Variants in VAV3 observed in about 807,000 individuals in gnomAD.
The protein encoded by VAV3 is guanine nucleotide exchange factor VAV3.
VAV3 carries 94 observed loss-of-function variants against 131.2 expected under a neutral mutation model. The ratio of observed to expected loss-of-function variants is 0.72; its 90% CI spans 0.61 to 0.85. The LOEUF (loss-of-function observed/expected upper bound fraction) is 0.85, where lower values mean the gene tolerates loss of function less well. VAV3 is among the 40% of genes least tolerant of loss of function. VAV3 has a pLI of 0.00. For synonymous variants in VAV3, 349 were observed against 342.0 expected, an observed-to-expected ratio of 1.02 and a Z score of -0.22; for missense variants, 939 against 1,002.7, an observed-to-expected ratio of 0.94 and a Z score of 0.86.
intron 1 of VAV3, among the ~76,000 whole-genome samples, chr1:107,952,942 A>C (rs936166946): frequency 6.6e-6 from 1 of 152,238 alleles, no homozygotes; most frequent in Admixed American, 6.5e-5. Flanking sequence ...CAGACTAAAA[A>C]ATAACAGAAA....
chr1:107,959,808 G>A (rs1273302259), intron 1 of VAV3, among the ~76,000 whole-genome samples: 7 of 152,030 alleles, frequency 4.6e-5, no homozygotes, highest in Non-Finnish European at 1.0e-4. Context: ...ATGTCTACTA[G>A]GCACTTCAAT....
rs568663490 is a variant in VAV3 at position 107,914,326 on chromosome 1, C to T, written c.205-39309G>A. Reference sequence around the variant, plus strand: ...TCTCGCAACAGTGACGTGCAATAAACATTACTGGGCCCTGCCTTCTGGAGC... The same window carrying T: ...TCTCGCAACAGTGACGTGCAATAAATATTACTGGGCCCTGCCTTCTGGAGC... On this transcript the variant is annotated intron_variant, in intron 1 of 26. Transcript: ENST00000370056. Among the ~76,000 whole-genome samples the T allele has an allele frequency of 5.5e-4, 83 of 152,172 alleles. 1 individual carries two copies. Among genetic ancestry groups the T allele is most frequent in the Non-Finnish European group, 1.1e-3 (72 of 68,032 alleles).
At chr1:107,583,894 T>C (rs1212346023) in intron 25 of VAV3, among the ~76,000 whole-genome samples, 37 of 152,138 alleles carry the variant, frequency 2.4e-4, no homozygotes, top group Admixed American at 2.4e-3. Context: ...TTCACAGAAT[T>C]GGAAAAAACT....
At chr1:107,618,171 C>T (rs965255813) in intron 20 of VAV3, among the ~76,000 whole-genome samples, 3 of 152,168 alleles carry the variant, frequency 2.0e-5, no homozygotes, top group African/African-American at 4.8e-5. Flanking sequence ...GGCAGCTCAC[C>T]TCCTGCTGTG....
chr1:107,916,791 T>TGAA lies in VAV3; in HGVS notation c.205-41775_205-41774insTTC, dbSNP rs781218231. Among the ~76,000 whole-genome samples the TGAA allele has an allele frequency of 1.3e-3, 192 of 152,230 alleles. 1 individual carries two copies. The highest frequency in any genetic ancestry group is 3.4e-3 in the Middle Eastern group (1 of 294). ...ACAAGGCAGTGAGTGAATGAATGAA[T>TGAA]TAATACGATTCATGGATTAAGTAGG... On this transcript the variant is annotated intron_variant, in intron 1 of 26. Transcript: ENST00000370056.
At chr1:107,694,752 TTGTC>T (rs1211056688) in intron 17 of VAV3, among the ~76,000 whole-genome samples, 2 of 152,204 alleles carry the variant, frequency 1.3e-5, no homozygotes, top group African/African-American at 4.8e-5. Flanking sequence ...TGGTACTCAT[TTGTC>T]TGTCCATTTG....
chr1:107,938,689 C>T (rs576335361), intron 1 of VAV3, among the ~76,000 whole-genome samples: 4 of 152,288 alleles, frequency 2.6e-5, no homozygotes, highest in African/African-American at 9.6e-5. Flanking sequence ...CCATGAAGTA[C>T]TCAAATATTC....
chr1:107,602,398 A>G lies in VAV3; in HGVS notation c.2219T>C (p.Met740Thr). ...IAENRKFKSLMELVEYYKHHS... is the reference protein window; with the variant it reads ...IAENRKFKSLTELVEYYKHHS... Reference sequence around the variant, plus strand: ...TGAAAAGAAATAATCAATGCTTACCATTAAACTTTTAAATTTTCTATTTTC... The same window carrying G: ...TGAAAAGAAATAATCAATGCTTACCGTTAAACTTTTAAATTTTCTATTTTC... The change falls in exon 24 of 27, where the codon ATG becomes ACG. Residue 740 changes from methionine (M) to threonine (T), a missense_variant and splice_region_variant. Coordinates refer to ENST00000370056, the MANE Select transcript of VAV3 (RefSeq NM_006113.5). 1 of 1,553,000 alleles carries G rather than the reference A, an allele frequency of 6.4e-7. No homozygotes were observed. The highest frequency in any genetic ancestry group is 1.4e-5 in the African/African-American group (1 of 71,230).
At chr1:107,631,140 T>C (rs1036556754) in intron 20 of VAV3, among the ~76,000 whole-genome samples, 11 of 152,150 alleles carry the variant, frequency 7.2e-5, no homozygotes, top group African/African-American at 2.7e-4. Context: ...AAAGCCAAAG[T>C]ATTGTAACAC....
At chr1:107,921,738 C>T (rs1392678515) in intron 1 of VAV3, among the ~76,000 whole-genome samples, 1 of 152,128 alleles carries the variant, frequency 6.6e-6, no homozygotes, top group Admixed American at 6.5e-5. Flanking sequence ...AAAAATCCTC[C>T]CAATCTTTAG....
chr1:107,918,131 T>C (rs1442090025), intron 1 of VAV3, among the ~76,000 whole-genome samples: 3 of 152,206 alleles, frequency 2.0e-5, no homozygotes, highest in Non-Finnish European at 2.9e-5. Context: ...AGGGTATTCA[T>C]GTATGTCCAG....
intron 15 of VAV3, among the ~76,000 whole-genome samples, chr1:107,735,316 AC>A (rs1662539830): frequency 6.6e-6 from 1 of 152,210 alleles, no homozygotes; most frequent in Non-Finnish European, 1.5e-5. Context: ...GCAAGAGCAA[AC>A]ACATTCAAAA....
intron 1 of VAV3, among the ~76,000 whole-genome samples, chr1:107,878,512 A>G (rs187600499): frequency 6.6e-6 from 1 of 152,272 alleles, no homozygotes; most frequent in Admixed American, 6.5e-5. Context: ...AATGTCCTAA[A>G]TTCTGCATTT....
At chr1:107,939,852 C>T (rs1164690155) in intron 1 of VAV3, among the ~76,000 whole-genome samples, 1 of 152,000 alleles carries the variant, frequency 6.6e-6, no homozygotes, top group Non-Finnish European at 1.5e-5. Flanking sequence ...ATATCTCCCC[C>T]CACCCCCATG....
At chr1:107,864,159 A>G (rs1006283918) in intron 2 of VAV3, among the ~76,000 whole-genome samples, 2 of 152,230 alleles carry the variant, frequency 1.3e-5, no homozygotes, top group African/African-American at 2.4e-5. Flanking sequence ...ACAAAATGCA[A>G]TGTATACATA....
At position 107,711,953 on chromosome 1, in the gene VAV3, T is replaced by C. The variant is rs1346213463; in HGVS notation, c.1503-6892A>G. Among the ~76,000 whole-genome samples, 4 of 152,326 alleles carry C rather than the reference T, an allele frequency of 2.6e-5. No homozygotes were observed. The East Asian group carries it at 7.7e-4, about 29-fold the overall frequency. On this transcript the variant is annotated intron_variant, in intron 15 of 26. Transcript: ENST00000370056. Reference sequence around the variant, plus strand: ...TGCCCACCTCAGCCTCCCAAAGTGCTGGCATTACAGGTGTGAGCCACCGTG... The same window carrying C: ...TGCCCACCTCAGCCTCCCAAAGTGCCGGCATTACAGGTGTGAGCCACCGTG...
chr1:107,861,322 C>T (rs946781232), intron 2 of VAV3, among the ~76,000 whole-genome samples: 3 of 151,570 alleles, frequency 2.0e-5, no homozygotes, highest in African/African-American at 7.2e-5. Context: ...TATCATCTCC[C>T]TTTCATCATT....
chr1:107,931,980 T>C (rs1198596558), intron 1 of VAV3, among the ~76,000 whole-genome samples: 5 of 152,226 alleles, frequency 3.3e-5, no homozygotes, highest in African/African-American at 9.6e-5. Context: ...ACAGTACAGC[T>C]AATAAATGTT....
intron 4 of VAV3, among the ~76,000 whole-genome samples, chr1:107,775,119 G>A (rs1665274546): frequency 6.6e-6 from 1 of 152,112 alleles, no homozygotes; most frequent in East Asian, 1.9e-4. Context: ...GCAAGGGCTG[G>A]CATCTCAGAG....
Sources: allele counts gnomAD v4.1 joint callset (sites outside exome capture counted in the v4.1 genomes callset), GRCh38; gene constraint gnomAD v4.1.1; transcripts MANE v1.5; gene names NCBI Gene and HGNC (gene_info 2026-07-23, HGNC 2026-07-21).